GNAI3: variants seen among roughly 807,000 people sequenced by gnomAD.
GNAI3 encodes G protein subunit alpha i3, also known as guanine nucleotide-binding protein G(i) subunit alpha-3.
GNAI3 carries 12 observed loss-of-function variants against 41.8 expected under a neutral mutation model. The observed-to-expected ratio is 0.29, with a 90% CI of 0.18 to 0.47. GNAI3 has a LOEUF of 0.47. Among genes scored for constraint, GNAI3 ranks in the 20% least tolerant of loss-of-function variants. GNAI3 has a pLI of 1.00. For synonymous variants in GNAI3, 132 were observed against 146.5 expected (o/e 0.90, Z 0.71); for missense variants, 360 against 429.6 (o/e 0.84, Z 1.43).
chr1:109,552,538 T>C (rs966122536), intron 1 of GNAI3, among the ~76,000 whole-genome samples: 2 of 152,152 alleles, frequency 1.3e-5, no homozygotes, highest in Non-Finnish European at 2.9e-5. Context: ...CCTCCCAAAG[T>C]GCTGGGATTA....
rs1649264049 is a variant in GNAI3, at chr1:109,595,220, G to A, written c.*2898G>A. ...AAGAAGCCATTAGTCTCTGTGTAAA[G>A]AAGAAGTATTCTTAATGGACAGTCC... On this transcript the variant is annotated 3_prime_UTR_variant, in exon 9 of 9. Coordinates refer to ENST00000369851, the MANE Select transcript of GNAI3 (RefSeq NM_006496.4). 1 of 152,204 alleles carries A rather than the reference G, an allele frequency of 6.6e-6. No homozygotes were observed. The highest frequency in any genetic ancestry group is 1.5e-5 in the Non-Finnish European group (1 of 68,026). 9.4% of individuals were successfully genotyped at this position (152,204 alleles called of 1,614,324 possible). A position where few individuals can be genotyped will look rare whatever the true frequency, so the allele number is the denominator to read the frequency against.
In GNAI3 at chr1:109,582,545, C is replaced by G. The variant is rs757382503; in HGVS notation, c.570C>G (p.Thr190=). 2.1e-5 allele frequency: 33 copies of G among 1,606,964 alleles called. No individual in the cohort carries two copies. In the Admixed American group the frequency reaches 4.5e-4, roughly 22 times the overall value. Residue 190 remains threonine (T), a synonymous_variant, in exon 5 of 9, where the codon ACC becomes ACG. Transcript: ENST00000369851. ...KTTGIVETHF[T]FKDLYFKMFD... is the part of the protein sequence containing the mutation. Reference sequence around the variant, plus strand: ...CAGGCATTGTAGAAACACATTTCACCTTCAAAGACCTATACTTCAAGTAAG... The same window carrying G: ...CAGGCATTGTAGAAACACATTTCACGTTCAAAGACCTATACTTCAAGTAAG...
intron 5 of GNAI3, among the ~76,000 whole-genome samples, chr1:109,584,739 T>C (rs1357012742): frequency 1.3e-5 from 2 of 152,234 alleles, no homozygotes; most frequent in African/African-American, 4.8e-5. Context: ...TGTTGATCTC[T>C]TAGTGAATGA....
intron 3 of GNAI3, among the ~76,000 whole-genome samples, chr1:109,575,342 C>T (rs962570201): frequency 3.3e-5 from 5 of 151,838 alleles, no homozygotes; most frequent in Non-Finnish European, 5.9e-5. Flanking sequence ...TATCACCTAA[C>T]TCTACTTCTC....
At chr1:109,578,069 A>G (rs187990925) in intron 3 of GNAI3, among the ~76,000 whole-genome samples, 20 of 152,322 alleles carry the variant, frequency 1.3e-4, no homozygotes, top group Admixed American at 1.0e-3. Flanking sequence ...TTAATTTTAA[A>G]CCAACAAGTA....
intron 4 of GNAI3, among the ~76,000 whole-genome samples, chr1:109,580,620 C>A: frequency 6.6e-6 from 1 of 152,094 alleles, no homozygotes; most frequent in Admixed American, 6.5e-5. Flanking sequence ...ATGGTATAGC[C>A]TGTTGCTCCT....
At chr1:109,552,339 A>C (rs1557901071) in intron 1 of GNAI3, among the ~76,000 whole-genome samples, 1 of 152,194 alleles carries the variant, frequency 6.6e-6, no homozygotes, top group Non-Finnish European at 1.5e-5. Flanking sequence ...ATTTTAAATC[A>C]TTTTTATAAG....
At chr1:109,586,544 C>T (rs2101109664) in intron 6 of GNAI3, among the ~76,000 whole-genome samples, 185 bp from the exon 7 acceptor site, 1 of 152,268 alleles carries the variant, frequency 6.6e-6, no homozygotes. Context: ...CCAGCCCTTC[C>T]TCCTACCTCC....
rs1476731263 is a variant in GNAI3, at chr1:109,574,045, T to C, written c.303+8T>C. 3.1e-6 allele frequency: 5 copies of C among 1,597,444 alleles called. 1 individual carries two copies. The Admixed American group carries it at 8.9e-5, about 29-fold the overall frequency. ...GGGGAAGCTGCCAGGGCAGTAAGTG[T>C]TTCTCATTTCCTCTTCACTTGCTCT... is the stretch of plus-strand genomic sequence containing the variant. On this transcript the variant is annotated splice_region_variant and intron_variant, in intron 3 of 8. Coordinates refer to ENST00000369851, the MANE Select transcript of GNAI3 (RefSeq NM_006496.4).
intron 1 of GNAI3, among the ~76,000 whole-genome samples, chr1:109,563,686 T>G (rs1648374100): frequency 6.6e-6 from 1 of 152,192 alleles, no homozygotes. Flanking sequence ...ATGTAATTGG[T>G]GAAGGATATG....
Position 109,592,096 on chromosome 1 carries a change from C to A in GNAI3, c.928C>A (p.Leu310Met). The change falls in exon 8 of 9, where the codon CTG becomes ATG. Residue 310 changes from leucine (L) to methionine (M), a missense_variant. Leu to Met is a conservative substitution (Grantham distance 15). Coordinates refer to ENST00000369851, the MANE Select transcript of GNAI3 (RefSeq NM_006496.4). ...AAYIQCQFED[L>M]NRRKDTKEIY... Reference sequence around the variant, plus strand: ...CTATATTCAATGCCAGTTTGAAGATCTGAACAGAAGAAAAGATACCAAGGA... The same window carrying A: ...CTATATTCAATGCCAGTTTGAAGATATGAACAGAAGAAAAGATACCAAGGA... 6.2e-7 allele frequency: 1 copy of A among 1,612,714 alleles called. No individual in the cohort carries two copies.
rs1050650515 is a variant in GNAI3 at position 109,586,971 on chromosome 1, TA to T, written c.874+91del. The T allele has an allele frequency of 4.8e-6, 4 of 830,622 alleles. No individual in the cohort carries two copies. In the African/African-American group the frequency reaches 6.9e-5, roughly 14 times the overall value. 51.5% of individuals were successfully genotyped at this position (830,622 alleles called of 1,614,324 possible). On this transcript the variant is annotated intron_variant, in intron 7 of 8. Transcript: ENST00000369851. The stretch of plus-strand genomic sequence containing the variant: ...ATTCATAAAACTGCCTTTTTTTTTT[TA>T]ATGATTGATTGGGAGAGTATTCAGT...
At position 109,586,882 on chromosome 1, in the gene GNAI3, G is replaced by T. The variant is rs1488083940; in HGVS notation, c.874G>T (p.Gly292Cys). 6.3e-7 allele frequency: 1 copy of T among 1,591,110 alleles called. No individual in the cohort carries two copies. The highest frequency in any genetic ancestry group is 8.6e-7 in the Non-Finnish European group (1 of 1,161,116). The change falls in exon 7 of 9, where the codon GGT becomes TGT. Residue 292 changes from glycine to cysteine, a missense_variant and splice_region_variant. By Grantham distance (159) the Gly-to-Cys change is radical. Transcript: ENST00000369851. ...PLTICYPEYT[G>C]SNTYEEAAAY... ...AACTATCTGTTATCCAGAATACACA[G>T]GTAAGGGGTTATGAAAGATTTTATT...
At chr1:109,577,269 G>GTTTTTTTT (rs1395067814) in intron 3 of GNAI3, among the ~76,000 whole-genome samples, 79 of 138,982 alleles carry the variant, frequency 5.7e-4, no homozygotes, top group African/African-American at 2.1e-3. Context: ...TAGCTAAGGT[G>GTTTTTTTT]TTTTTTTTGT....
At chr1:109,575,046 G>A (rs1330451153) in intron 3 of GNAI3, among the ~76,000 whole-genome samples, 2 of 152,206 alleles carry the variant, frequency 1.3e-5, no homozygotes, top group Non-Finnish European at 2.9e-5. Flanking sequence ...TAAAGGAAGA[G>A]GAGCTGGATT....
chr1:109,575,353 T>C (rs1296272638), intron 3 of GNAI3, among the ~76,000 whole-genome samples: 4 of 151,984 alleles, frequency 2.6e-5, no homozygotes, highest in Non-Finnish European at 5.9e-5. Context: ...TCTACTTCTC[T>C]GTTGTATTTG....
rs141175420 is a variant in GNAI3, at chr1:109,561,102, A to T, written c.118+12264A>T. On this transcript the variant is annotated intron_variant, in intron 1 of 8. Coordinates refer to ENST00000369851, the MANE Select transcript of GNAI3 (RefSeq NM_006496.4). Reference sequence around the variant, plus strand: ...GATAGTGCAGTCTTAATTTTGGTTCATTCCAGGGTATTGAAAATAATTTGC... The same window carrying T: ...GATAGTGCAGTCTTAATTTTGGTTCTTTCCAGGGTATTGAAAATAATTTGC... Among the ~76,000 whole-genome samples, 1,135 of 152,236 alleles carry T rather than the reference A, an allele frequency of 7.5e-3. 14 individuals carry two copies. Among genetic ancestry groups the T allele is most frequent in the African/African-American group, 0.026 (1,085 of 41,534 alleles).
Position 109,563,738 on chromosome 1 carries a change from A to G in GNAI3, c.119-9999A>G, listed in dbSNP as rs576502249. On this transcript the variant is annotated intron_variant, in intron 1 of 8. Coordinates refer to ENST00000369851, the MANE Select transcript of GNAI3 (RefSeq NM_006496.4). ...ATATAGTGCCATGTAAGTTATGGAC[A>G]TATTTTAGTTGTTAGGGCTTTTAAA... Among the ~76,000 whole-genome samples, 45 of 151,726 alleles carry G rather than the reference A, an allele frequency of 3.0e-4. 1 individual carries two copies. The highest frequency in any genetic ancestry group is 3.4e-3 in the Middle Eastern group (1 of 294).
At chr1:109,555,431 G>C (rs1158756019) in intron 1 of GNAI3, among the ~76,000 whole-genome samples, 2 of 152,124 alleles carry the variant, frequency 1.3e-5, no homozygotes, top group Admixed American at 1.3e-4. Context: ...GTGAAGTGGC[G>C]AAAGGACACC....
Sources: allele counts gnomAD v4.1 joint callset (sites outside exome capture counted in the v4.1 genomes callset), GRCh38; gene constraint gnomAD v4.1.1; transcripts MANE v1.5; gene names NCBI Gene and HGNC (gene_info 2026-07-23, HGNC 2026-07-21).